The following ENOX1 variants were observed in gnomAD, a reference collection of about 807,000 sequenced individuals.
The protein encoded by ENOX1 is ecto-NOX disulfide-thiol exchanger 1.
A neutral mutation model predicts 82.5 loss-of-function variants in ENOX1; 42 were observed. The observed-to-expected ratio is 0.51, with a 90% confidence interval of 0.40 to 0.66. The LOEUF (loss-of-function observed/expected upper bound fraction) is 0.66. Ranked by LOEUF, ENOX1 falls within the 30% of genes least tolerant of loss-of-function variation. The pLI is 0.00. For synonymous variants in ENOX1, 271 were observed against 282.2 expected, an observed-to-expected ratio of 0.96 and a Z score of 0.40; for missense variants, 608 against 811.6, an observed-to-expected ratio of 0.75 and a Z score of 3.05.
At chr13:43,289,962 CAT>C (rs1593733689) in intron 12 of ENOX1, among the ~76,000 whole-genome samples, 1 of 152,020 alleles carries the variant, frequency 6.6e-6, no homozygotes, top group African/African-American at 2.4e-5. Context: ...GGTCAACAAA[CAT>C]ATGAAAAAAT....
intron 3 of ENOX1, among the ~76,000 whole-genome samples, chr13:43,431,979 C>A (rs1391541334): frequency 2.0e-5 from 3 of 152,132 alleles, no homozygotes. Context: ...AGGCCTTATA[C>A]CCCAGAGCTT....
At chr13:43,417,239 AG>A (rs1282030985) in intron 3 of ENOX1, among the ~76,000 whole-genome samples, 758 of 23,862 alleles carry the variant, frequency 0.032, 41 homozygotes, top group African/African-American at 0.089. Flanking sequence ...GGGAGACGGG[AG>A]ACGGGAGAGG....
At position 43,459,956 on chromosome 13, in the gene ENOX1, C is replaced by T. The variant is rs201871485; in HGVS notation, c.-75+24053G>A. On this transcript the variant is annotated intron_variant, in intron 3 of 16. Transcript: ENST00000690772. ...TTGCAGTGAGCCGAGATTGCACCAT[C>T]GCACTCCAGCCTGGGTGACAAAGCG... Among the ~76,000 whole-genome samples, 7 of 152,142 alleles carry T rather than the reference C, an allele frequency of 4.6e-5. No individual in the cohort carries two copies. The East Asian group carries it at 1.4e-3, about 29-fold the overall frequency.
At chr13:43,614,907 C>A (rs1280216966) in intron 2 of ENOX1, among the ~76,000 whole-genome samples, 1 of 152,116 alleles carries the variant, frequency 6.6e-6, no homozygotes, top group African/African-American at 2.4e-5. Flanking sequence ...TTAGACCCCA[C>A]CCCAGAACTA....
In ENOX1 at chr13:43,590,898, A is replaced by T. The variant is rs114230595; in HGVS notation, c.-219+76581T>A. Among the ~76,000 whole-genome samples the T allele has an allele frequency of 2.7e-3, 406 of 152,312 alleles. 2 individuals are homozygous for T. The highest frequency in any genetic ancestry group is 9.1e-3 in the African/African-American group (380 of 41,582). ...GAGGAAACATAAGTGGTCAAAAAAAAGTATGAGAAAATGTTCCAATAGTAA... is the reference window on the plus strand; with the variant it reads ...GAGGAAACATAAGTGGTCAAAAAAATGTATGAGAAAATGTTCCAATAGTAA... On this transcript the variant is annotated intron_variant, in intron 2 of 16. Coordinates refer to ENST00000690772, the MANE Select transcript of ENOX1 (RefSeq NM_001347969.2).
chr13:43,751,814 T>C (rs1950337148), intron 1 of ENOX1, among the ~76,000 whole-genome samples: 1 of 152,218 alleles, frequency 6.6e-6, no homozygotes, highest in African/African-American at 2.4e-5. Flanking sequence ...CAAGTTTTTG[T>C]TCATTACAAA....
At chr13:43,651,695 T>TAAAAAAAAAAAAA (rs57810969) in intron 2 of ENOX1, among the ~76,000 whole-genome samples, 1 of 96,966 alleles carries the variant, frequency 1.0e-5, no homozygotes, top group Admixed American at 1.2e-4. Context: ...AGACTCTGTC[T>TAAAAAAAAAAAAA]AAAAAAAAAA....
intron 5 of ENOX1, among the ~76,000 whole-genome samples, chr13:43,373,611 C>A (rs1031327184): frequency 6.6e-6 from 1 of 152,210 alleles, no homozygotes; most frequent in Admixed American, 6.5e-5. Context: ...TGCATAAACA[C>A]ACACACACGT....
chr13:43,523,907 T>C (rs897027788), intron 2 of ENOX1, among the ~76,000 whole-genome samples: 1 of 152,156 alleles, frequency 6.6e-6, no homozygotes, highest in Non-Finnish European at 1.5e-5. Flanking sequence ...TTAAGCAGCA[T>C]GGCACACCAC....
chr13:43,294,803 G>A (rs1190125743), intron 12 of ENOX1, among the ~76,000 whole-genome samples: 1 of 152,210 alleles, frequency 6.6e-6, no homozygotes, highest in Non-Finnish European at 1.5e-5. Context: ...CAGAAGGAAT[G>A]AATGCCTGAT....
At chr13:43,677,290 G>A (rs1317344834) in intron 1 of ENOX1, among the ~76,000 whole-genome samples, 1 of 152,152 alleles carries the variant, frequency 6.6e-6, no homozygotes, top group Admixed American at 6.5e-5. Flanking sequence ...GAGATGGACT[G>A]CCAATGGGAG....
chr13:43,635,932 C>G (rs1054949011), intron 2 of ENOX1, among the ~76,000 whole-genome samples: 26 of 152,162 alleles, frequency 1.7e-4, no homozygotes, highest in Non-Finnish European at 5.9e-5. Flanking sequence ...AGTCAGCACA[C>G]AACTATCAAT....
At chr13:43,522,614 C>T (rs1261823883) in intron 2 of ENOX1, among the ~76,000 whole-genome samples, 1 of 152,058 alleles carries the variant, frequency 6.6e-6, no homozygotes, top group African/African-American at 2.4e-5. Context: ...CTGTAGAAGC[C>T]CTTCGAGGAT....
rs148227986 is a variant in ENOX1 at position 43,345,649 on chromosome 13, T to C, written c.824-899A>G. Among the ~76,000 whole-genome samples the C allele has an allele frequency of 2.8e-3, 431 of 152,348 alleles. 4 individuals are homozygous for C. Among genetic ancestry groups the C allele is most frequent in the African/African-American group, 9.8e-3 (409 of 41,576 alleles). On this transcript the variant is annotated intron_variant, in intron 8 of 16. Coordinates refer to ENST00000690772, the MANE Select transcript of ENOX1 (RefSeq NM_001347969.2). Reference sequence around the variant, plus strand: ...TTAAGTTAATTAGAACTGGAAGTTGTATGTCAGTTGTTAGAACATTAACCA... The same window carrying C: ...TTAAGTTAATTAGAACTGGAAGTTGCATGTCAGTTGTTAGAACATTAACCA...
intron 2 of ENOX1, among the ~76,000 whole-genome samples, chr13:43,530,581 T>C (rs998530964): frequency 6.6e-6 from 1 of 152,124 alleles, no homozygotes; most frequent in African/African-American, 2.4e-5. Flanking sequence ...ATGCTGTGTG[T>C]AGAATAAACC....
chr13:43,672,835 A>T (rs1476246951), intron 1 of ENOX1, among the ~76,000 whole-genome samples: 3 of 152,162 alleles, frequency 2.0e-5, no homozygotes, highest in Non-Finnish European at 4.4e-5. Flanking sequence ...TTTCATCCTT[A>T]TTTCCAGAAA....
intron 3 of ENOX1, among the ~76,000 whole-genome samples, chr13:43,422,117 GA>G (rs2055013570): frequency 6.6e-6 from 1 of 151,840 alleles, no homozygotes; most frequent in Admixed American, 6.6e-5. Context: ...AAGTGTCAAA[GA>G]ATGACAATTA....
intron 1 of ENOX1, among the ~76,000 whole-genome samples, chr13:43,715,145 T>C (rs1217825872): frequency 1.3e-5 from 2 of 152,046 alleles, no homozygotes; most frequent in African/African-American, 4.8e-5. Context: ...GTCTGTAAAG[T>C]ATTTTATTTC....
In ENOX1 at chr13:43,470,345, T is replaced by TATATATACAC. The variant is rs1555290015; in HGVS notation, c.-75+13663_-75+13664insGTGTATATAT. On this transcript the variant is annotated intron_variant, in intron 3 of 16. Coordinates refer to ENST00000690772, the MANE Select transcript of ENOX1 (RefSeq NM_001347969.2). ...ATATATATATGTATATATATACGTA[T>TATATATACAC]ATATATATGTATATATATACGTATA... Among the ~76,000 whole-genome samples, 53 of 13,162 alleles carry TATATATACAC rather than the reference T, an allele frequency of 4.0e-3. 1 individual carries two copies. The highest frequency in any genetic ancestry group is 7.6e-3 in the Non-Finnish European group (44 of 5,796). The allele number at this position is 13,162 out of a possible 152,430, so 8.6% of individuals were successfully genotyped here.
Sources: allele counts gnomAD v4.1 joint callset (sites outside exome capture counted in the v4.1 genomes callset), GRCh38; gene constraint gnomAD v4.1.1; transcripts MANE v1.5; gene names NCBI Gene and HGNC (gene_info 2026-07-23, HGNC 2026-07-21).